Variants in TMEM131L observed in about 807,000 individuals in gnomAD.
TMEM131L encodes the protein transmembrane 131 like.
A neutral mutation model predicts 192.2 loss-of-function variants in TMEM131L; 54 were observed. That is an observed-to-expected ratio of 0.28 (90% CI 0.23 to 0.35). TMEM131L has a LOEUF of 0.35. Among genes scored for constraint, TMEM131L ranks in the 10% least tolerant of loss-of-function variants. TMEM131L has a pLI of 1.00. For synonymous variants in TMEM131L, 701 were observed against 704.9 expected (o/e 0.99, Z 0.09); for missense variants, 1,888 against 1,972.9 (o/e 0.96, Z 0.82).
At chr4:153,614,120 C>G (rs1050543089) in intron 26 of TMEM131L, among the ~76,000 whole-genome samples, 8 of 152,146 alleles carry the variant, frequency 5.3e-5, no homozygotes, top group African/African-American at 1.9e-4. Flanking sequence ...GGGCAGCGGG[C>G]AGCACTGAGC....
chr4:153,545,083 G>A (rs540856090), intron 3 of TMEM131L, among the ~76,000 whole-genome samples: 1 of 152,080 alleles, frequency 6.6e-6, no homozygotes, highest in Non-Finnish European at 1.5e-5. Context: ...TCTGATATCA[G>A]CAGACAGATT....
At chr4:153,586,634 A>G (rs1215388620) in intron 14 of TMEM131L, among the ~76,000 whole-genome samples, 2 of 152,172 alleles carry the variant, frequency 1.3e-5, no homozygotes, top group Non-Finnish European at 2.9e-5. Context: ...AGATTAATAG[A>G]TGTCATTTTC....
chr4:153,534,347 G>A (rs1391835061), intron 3 of TMEM131L, among the ~76,000 whole-genome samples: 1 of 152,236 alleles, frequency 6.6e-6, no homozygotes, highest in Non-Finnish European at 1.5e-5. Context: ...GAGGATTGTG[G>A]TGTGGGCTGC....
intron 2 of TMEM131L, among the ~76,000 whole-genome samples, chr4:153,471,593 A>G (rs1216559234): frequency 2.6e-5 from 4 of 152,182 alleles, no homozygotes; most frequent in Non-Finnish European, 5.9e-5. Flanking sequence ...CAAGAAGGGC[A>G]GTCTAGAATC....
intron 7 of TMEM131L, among the ~76,000 whole-genome samples, chr4:153,561,070 T>C (rs899129807): frequency 1.3e-5 from 2 of 152,238 alleles, no homozygotes; most frequent in African/African-American, 4.8e-5. Context: ...GTTTTTTAAA[T>C]AGCCATCTTA....
intron 3 of TMEM131L, among the ~76,000 whole-genome samples, chr4:153,500,917 C>A (rs940374437): frequency 4.6e-5 from 7 of 151,958 alleles, no homozygotes; most frequent in South Asian, 2.1e-4. Flanking sequence ...GTTTAATGAT[C>A]AGATAGAAAT....
intron 3 of TMEM131L, among the ~76,000 whole-genome samples, chr4:153,523,826 G>A (rs1331417957): frequency 6.6e-6 from 1 of 152,194 alleles, no homozygotes; most frequent in African/African-American, 2.4e-5. Flanking sequence ...CAGTCAGGCT[G>A]ATAGATTACA....
chr4:153,587,856 G>T, intron 15 of TMEM131L, 45 bp downstream of exon 15: 1 of 1,353,060 alleles, frequency 7.4e-7, no homozygotes, highest in South Asian at 1.2e-5. Flanking sequence ...CTAGTTTGGG[G>T]GATGGGAAAT....
chr4:153,604,495 G>T, intron 25 of TMEM131L, 65 bp downstream of exon 25: 1 of 1,431,236 alleles, frequency 7.0e-7, no homozygotes, highest in Non-Finnish European at 9.5e-7. Context: ...TAATGGAATT[G>T]TTCTCACCTG....
At chr4:153,478,388 T>G (rs950773908) in intron 3 of TMEM131L, among the ~76,000 whole-genome samples, 1 of 152,224 alleles carries the variant, frequency 6.6e-6, no homozygotes, top group Non-Finnish European at 1.5e-5. Context: ...TCTTGCTACT[T>G]TGAAAAGAAA....
At chr4:153,565,218 A>T (rs1211816396) in intron 7 of TMEM131L, among the ~76,000 whole-genome samples, 2 of 152,156 alleles carry the variant, frequency 1.3e-5, no homozygotes, top group Admixed American at 1.3e-4. Flanking sequence ...TCATTATTAT[A>T]ATCTCTATCA....
In TMEM131L at chr4:153,634,248, T is replaced by C. The variant is rs370708440; in HGVS notation, c.4385T>C (p.Leu1462Ser). 3.8e-5 allele frequency: 61 copies of C among 1,614,138 alleles called. No homozygotes were observed. In the Admixed American group the frequency reaches 7.3e-4, roughly 19 times the overall value. The change falls in exon 33 of 35, where the codon TTG (leucine) becomes TCG (serine). Residue 1462 changes from leucine (L) to serine (S), a missense_variant. Transcript: ENST00000409959. ...CAGTTTTCCAGCGCATACTGTCCAT[T>C]GGAATTGAACGATTACAATGCCTTT... ...EGQFSSAYCP[L>S]ELNDYNAFPE...
chr4:153,483,005 C>T lies in TMEM131L; in HGVS notation c.239+9117C>T, dbSNP rs114793458. On this transcript the variant is annotated intron_variant, in intron 3 of 34. Transcript: ENST00000409959. The stretch of plus-strand genomic sequence containing the variant: ...AAGGTTATTTGAACCTTTAATAATT[C>T]CATATTAAAGAATTACTTAATTCTT... 1.1e-3 allele frequency among the ~76,000 whole-genome samples: 170 copies of T among 151,978 alleles called. 1 individual carries two copies. The highest frequency in any genetic ancestry group is 3.9e-3 in the African/African-American group (161 of 41,448).
In TMEM131L at chr4:153,626,244, A is replaced by G; in HGVS notation, c.4124+19A>G. ...ATCCCATGTAAGTTTTTTATTTTCC[A>G]GCTTTTACAGTATGTTTTGTGTACT... On this transcript the variant is annotated intron_variant, in intron 30 of 34. Transcript: ENST00000409959. 6.7e-7 allele frequency: 1 copy of G among 1,482,302 alleles called. No individual in the cohort carries two copies. The highest frequency in any genetic ancestry group is 9.4e-7 in the Non-Finnish European group (1 of 1,061,586). The allele number at this position is 1,482,302 out of a possible 1,614,324, so 91.8% of individuals were successfully genotyped here. A position where few individuals can be genotyped will look rare whatever the true frequency, so the allele number is the denominator to read the frequency against.
At chr4:153,526,702 A>C (rs1013433187) in intron 3 of TMEM131L, among the ~76,000 whole-genome samples, 3 of 151,034 alleles carry the variant, frequency 2.0e-5, no homozygotes, top group Admixed American at 2.0e-4. Context: ...ACGCCACTGC[A>C]CTCCAGCCTG....
chr4:153,608,305 A>G (rs957283210), intron 25 of TMEM131L, among the ~76,000 whole-genome samples: 28 of 152,370 alleles, frequency 1.8e-4, no homozygotes, highest in Admixed American at 1.6e-3. Flanking sequence ...CTTGTCAAAC[A>G]ACTATCAAAC....
intron 3 of TMEM131L, among the ~76,000 whole-genome samples, chr4:153,512,360 G>A (rs79178231): frequency 1.2e-3 from 181 of 152,224 alleles, no homozygotes; most frequent in African/African-American, 4.0e-3. Context: ...AAGAACTGTG[G>A]GCAAAGGCTA....
chr4:153,500,187 A>C (rs936334136), intron 3 of TMEM131L, among the ~76,000 whole-genome samples: 2 of 151,850 alleles, frequency 1.3e-5, no homozygotes, highest in Non-Finnish European at 2.9e-5. Flanking sequence ...TGCAGCCTCA[A>C]ACTCCTGGGC....
At chr4:153,540,209 T>G (rs1185350528) in intron 3 of TMEM131L, among the ~76,000 whole-genome samples, 1 of 152,208 alleles carries the variant, frequency 6.6e-6, no homozygotes, top group African/African-American at 2.4e-5. Context: ...GTCATAAAGT[T>G]ACATAGGATT....
Sources: allele counts gnomAD v4.1 joint callset (sites outside exome capture counted in the v4.1 genomes callset), GRCh38; gene constraint gnomAD v4.1.1; transcripts MANE v1.5; gene names NCBI Gene and HGNC (gene_info 2026-07-23, HGNC 2026-07-21).